Variants in ZMAT3 observed in about 807,000 individuals in gnomAD.
ZMAT3 encodes zinc finger matrin-type protein 3.
Under a neutral mutation model 32.3 loss-of-function variants are expected in ZMAT3, and 17 were observed. That is an observed-to-expected ratio of 0.53 (90% CI 0.36 to 0.79). The LOEUF (loss-of-function observed/expected upper bound fraction) is 0.79, where lower values mean the gene tolerates loss of function less well. ZMAT3 is among the 30% of genes least tolerant of loss of function. The probability of loss-of-function intolerance (pLI) is 0.00; values close to 1 mark genes in which losing one functional copy is unlikely to be tolerated. For missense variants in ZMAT3, 329 were observed against 359.7 expected, an observed-to-expected ratio of 0.91 and a Z score of 0.69; for synonymous variants, 120 against 133.1, an observed-to-expected ratio of 0.90 and a Z score of 0.68.
At chr3:179,067,442 G>A (rs2108591517) in intron 2 of ZMAT3, 41 bp downstream of exon 2, 1 of 1,602,836 alleles carries the variant, frequency 6.2e-7, no homozygotes, top group East Asian at 2.2e-5. Flanking sequence ...GCCCTGAAAT[G>A]TTCACCCTAC....
At chr3:179,041,565 T>C (rs1328415688) in intron 2 of ZMAT3, among the ~76,000 whole-genome samples, 1 of 152,234 alleles carries the variant, frequency 6.6e-6, no homozygotes, top group Non-Finnish European at 1.5e-5. Flanking sequence ...CCAGAGTCTC[T>C]GGGACACATT....
At chr3:179,066,272 T>C (rs1254414083) in intron 2 of ZMAT3, among the ~76,000 whole-genome samples, 2 of 152,158 alleles carry the variant, frequency 1.3e-5, no homozygotes, top group African/African-American at 4.8e-5. Flanking sequence ...GAACCAATGA[T>C]GACACATGTC....
chr3:179,069,734 T>C (rs530673171), intron 1 of ZMAT3, among the ~76,000 whole-genome samples: 1 of 152,190 alleles, frequency 6.6e-6, no homozygotes, highest in African/African-American at 2.4e-5. Context: ...ATAATGTAGT[T>C]AAGGACAAAG....
intron 2 of ZMAT3, among the ~76,000 whole-genome samples, chr3:179,061,758 C>T (rs6800015): frequency 0.82 from 124,178 of 152,166 alleles, 51,224 homozygotes; most frequent in East Asian, 0.94. Context: ...ACTGGAAATA[C>T]AGGGAAGGAA....
chr3:179,043,642 C>A (rs979902103), intron 2 of ZMAT3, among the ~76,000 whole-genome samples: 10 of 152,198 alleles, frequency 6.6e-5, no homozygotes, highest in Non-Finnish European at 1.2e-4. Flanking sequence ...CTAGGCAATA[C>A]CATTCAGCAC....
intron 2 of ZMAT3, among the ~76,000 whole-genome samples, chr3:179,064,746 C>G (rs1280264684): frequency 6.6e-6 from 1 of 152,170 alleles, no homozygotes; most frequent in Non-Finnish European, 1.5e-5. Context: ...TTAGCCTTGT[C>G]TTCAGTAATC....
intron 2 of ZMAT3, among the ~76,000 whole-genome samples, chr3:179,044,366 C>G (rs180847958): frequency 1.6e-4 from 25 of 151,980 alleles, no homozygotes; most frequent in Non-Finnish European, 4.4e-5. Context: ...ATGTGGTGGC[C>G]GGGCACGGTG....
At chr3:179,030,200 T>C (rs1320229157) in intron 3 of ZMAT3, among the ~76,000 whole-genome samples, 1 of 152,062 alleles carries the variant, frequency 6.6e-6, no homozygotes, top group Non-Finnish European at 1.5e-5. Flanking sequence ...TGAATAGAGG[T>C]AAGTAATAAG....
chr3:179,062,376 T>G (rs1721192960), intron 2 of ZMAT3, among the ~76,000 whole-genome samples: 1 of 152,196 alleles, frequency 6.6e-6, no homozygotes, highest in South Asian at 2.1e-4. Flanking sequence ...TGCTGCTATT[T>G]TTATTTATAT....
Position 179,040,570 on chromosome 3 carries a change from T to C in ZMAT3, c.271-9571A>G, listed in dbSNP as rs111857051. Among the ~76,000 whole-genome samples the C allele has an allele frequency of 2.2e-5, 3 of 137,378 alleles. No homozygotes were observed. The South Asian group carries it at 7.4e-4, about 34-fold the overall frequency. 90.1% of individuals were successfully genotyped at this position (137,378 alleles called of 152,430 possible). ...CACCACCAGGCCTGCCTTACAAGAG[T>C]TCCTGAAGGAAGCACTAAACATAGA... On this transcript the variant is annotated intron_variant, in intron 2 of 5. Transcript: ENST00000311417.
chr3:179,066,980 G>A (rs1159032255), intron 2 of ZMAT3, among the ~76,000 whole-genome samples: 1 of 152,234 alleles, frequency 6.6e-6, no homozygotes, highest in Non-Finnish European at 1.5e-5. Context: ...TTCCTTACCA[G>A]TGATAGGATA....
intron 3 of ZMAT3, among the ~76,000 whole-genome samples, chr3:179,028,017 G>A (rs930391066): frequency 1.3e-5 from 2 of 152,160 alleles, no homozygotes; most frequent in Admixed American, 1.3e-4. Context: ...TAATCACTTA[G>A]GTACCAAATT....
rs775620227 is a variant in ZMAT3, at chr3:179,025,152, C to G, written c.735G>C (p.Gln245His). Residue 245 changes from glutamine (Q) to histidine (H), a missense_variant, in exon 6 of 6, where the codon CAG becomes CAC. Gln to His is a conservative substitution (Grantham distance 24, BLOSUM62 0). Coordinates refer to ENST00000311417, the MANE Select transcript of ZMAT3 (RefSeq NM_022470.4). ...DLAMCVTPSG[Q>H]FYCSMCNVGA... is the part of the protein sequence containing the mutation. ...CAACATTACACATTGAGCAGTAAAA[C>G]TGGCCACTTGGAGTAACACACATGG... 1.2e-6 allele frequency: 2 copies of G among 1,614,228 alleles called. No individual in the cohort carries two copies. The highest frequency in any genetic ancestry group is 1.1e-5 in the South Asian group (1 of 91,086).
In ZMAT3 at chr3:179,067,528, G is replaced by A. The variant is rs2108591739; in HGVS notation, c.225C>T (p.Cys75=). ...ELCKPLYCKL[C]NVTLNSAQQA... ...GCTGTGCAGAGTTCAAGGTGACATT[G>A]CAGAGTTTGCAGTACAGGGGCTTAC... The change falls in exon 2 of 6, where the codon TGC becomes TGT. Residue 75 remains cysteine (C), a synonymous_variant. Transcript: ENST00000311417. 1 of 1,614,168 alleles carries A rather than the reference G, an allele frequency of 6.2e-7. No homozygotes were observed. Among genetic ancestry groups the A allele is most frequent in the Non-Finnish European group, 8.5e-7 (1 of 1,180,020 alleles).
intron 1 of ZMAT3, among the ~76,000 whole-genome samples, chr3:179,069,104 AT>A (rs34413642): frequency 0.4 from 61,303 of 151,728 alleles, 13,179 homozygotes; most frequent in East Asian, 0.74. Flanking sequence ...TAAAACCCAA[AT>A]TTTTCCTCCT....
intron 2 of ZMAT3, among the ~76,000 whole-genome samples, chr3:179,054,208 A>G (rs1720715933): frequency 6.6e-6 from 1 of 152,256 alleles, no homozygotes; most frequent in South Asian, 2.1e-4. Context: ...GGACCACTCA[A>G]CACTGTCAAG....
rs1290981619 is a variant in ZMAT3 at position 179,022,708 on chromosome 3, A to G, written c.*2309T>C. On this transcript the variant is annotated 3_prime_UTR_variant, in exon 6 of 6. Coordinates refer to ENST00000311417, the MANE Select transcript of ZMAT3 (RefSeq NM_022470.4). Reference sequence around the variant, plus strand: ...CTAGATAGAATCCTAACAGAATAGTATTTGATTCTTCTGTTTCTGGGAGAA... The same window carrying G: ...CTAGATAGAATCCTAACAGAATAGTGTTTGATTCTTCTGTTTCTGGGAGAA... 1 of 152,044 alleles carries G rather than the reference A, an allele frequency of 6.6e-6. No homozygotes were observed. The highest frequency in any genetic ancestry group is 1.5e-5 in the Non-Finnish European group (1 of 68,004). 9.4% of individuals were successfully genotyped at this position (152,044 alleles called of 1,614,324 possible).
At position 179,024,924 on chromosome 3, in the gene ZMAT3, A is replaced by C; in HGVS notation, c.*93T>G. 8.3e-7 allele frequency: 1 copy of C among 1,202,270 alleles called. No homozygotes were observed. 74.5% of individuals were successfully genotyped at this position (1,202,270 alleles called of 1,614,324 possible). A position where few individuals can be genotyped will look rare whatever the true frequency, so the allele number is the denominator to read the frequency against. Reference sequence around the variant, plus strand: ...ACATGTATTAACATTAAGCAGAGGAATGTACTCATATCAAAAAGACCACAA... The same window carrying C: ...ACATGTATTAACATTAAGCAGAGGACTGTACTCATATCAAAAAGACCACAA... On this transcript the variant is annotated 3_prime_UTR_variant, in exon 6 of 6. Transcript: ENST00000311417.
intron 2 of ZMAT3, among the ~76,000 whole-genome samples, chr3:179,034,566 T>G (rs542376859): frequency 1.3e-5 from 2 of 152,192 alleles, no homozygotes; most frequent in Non-Finnish European, 2.9e-5. Flanking sequence ...CATGAGTAAG[T>G]TGGTGACTCC....
Sources: allele counts gnomAD v4.1 joint callset (sites outside exome capture counted in the v4.1 genomes callset), GRCh38; gene constraint gnomAD v4.1.1; transcripts MANE v1.5; gene names NCBI Gene and HGNC (gene_info 2026-07-23, HGNC 2026-07-21).